Variants in MTX2 observed in about 807,000 individuals in gnomAD.
The protein encoded by MTX2 is metaxin-2.
A neutral mutation model predicts 42.3 loss-of-function variants in MTX2; 35 were observed. That is an observed-to-expected ratio of 0.83 (90% CI 0.63 to 1.10). The LOEUF (loss-of-function observed/expected upper bound fraction) is 1.10, where lower values mean the gene tolerates loss of function less well. Ranked by LOEUF, MTX2 falls within the 50% of genes least tolerant of loss-of-function variation. The pLI is 0.00. For missense variants in MTX2, 307 were observed against 304.1 expected, an observed-to-expected ratio of 1.01 and a Z score of -0.07; for synonymous variants, 119 against 100.9, an observed-to-expected ratio of 1.18 and a Z score of -1.08.
chr2:176,284,635 A>G (rs964940145), intron 1 of MTX2, among the ~76,000 whole-genome samples: 1 of 152,228 alleles, frequency 6.6e-6, no homozygotes, highest in Non-Finnish European at 1.5e-5. Flanking sequence ...ATTCTTGAAC[A>G]TTATAAAATA....
intron 3 of MTX2, among the ~76,000 whole-genome samples, chr2:176,300,280 A>G (rs1385622600): frequency 1.3e-5 from 2 of 152,158 alleles, no homozygotes; most frequent in African/African-American, 4.8e-5. Flanking sequence ...CAGCCATCTA[A>G]TAAATACACA....
chr2:176,314,928 C>T (rs1314207948), intron 3 of MTX2, among the ~76,000 whole-genome samples: 3 of 152,110 alleles, frequency 2.0e-5, no homozygotes, highest in Non-Finnish European at 4.4e-5. Context: ...TTTTATTCTG[C>T]CTGACATCTG....
intron 1 of MTX2, among the ~76,000 whole-genome samples, chr2:176,273,078 TG>T: frequency 1.3e-5 from 2 of 152,144 alleles, no homozygotes; most frequent in Middle Eastern, 6.8e-3. Flanking sequence ...TGGCAGAAGG[TG>T]GAAAGGCCAG....
intron 7 of MTX2, 27 bp from the exon 8 acceptor site, chr2:176,329,274 C>T: frequency 6.4e-7 from 1 of 1,563,684 alleles, no homozygotes; most frequent in Non-Finnish European, 8.6e-7. Flanking sequence ...GAAGGATCAC[C>T]TTTTTTACAA....
At chr2:176,308,539 T>C (rs1684212358) in intron 3 of MTX2, among the ~76,000 whole-genome samples, 1 of 152,198 alleles carries the variant, frequency 6.6e-6, no homozygotes, top group Admixed American at 6.5e-5. Context: ...TTTTGGTTGG[T>C]ACGCTATTAA....
chr2:176,337,604 T>C lies in MTX2; in HGVS notation c.732T>C (p.Ala244=). 6.2e-7 allele frequency: 1 copy of C among 1,613,490 alleles called. No individual in the cohort carries two copies. ...TGAAAAACTATAGCAACCTCCTTGC[T>C]TTCTGTAGGAGAATTGAACAGCACT... ...EKVKNYSNLL[A]FCRRIEQHYF... is the part of the protein sequence containing the mutation. The change falls in exon 10 of 10, where the codon GCT becomes GCC. Residue 244 remains alanine, a synonymous_variant. Coordinates refer to ENST00000249442, the MANE Select transcript of MTX2 (RefSeq NM_006554.5).
chr2:176,296,877 G>A lies in MTX2; in HGVS notation c.58G>A (p.Glu20Lys). The change falls in exon 2 of 10, where the codon GAA (glutamate) becomes AAA (lysine). Residue 20 changes from glutamate to lysine, a missense_variant. Glu to Lys is a moderately conservative substitution (Grantham distance 56, BLOSUM62 1). Transcript: ENST00000249442. ...TTCCATAGCTGCAGAACCTTGGCCT[G>A]AAAATGCTACATTATATCAGCAATT... ...SQIAAAEPWP[E>K]NATLYQQLKG... is the part of the protein sequence containing the mutation. 5 of 1,613,502 alleles carry A rather than the reference G, an allele frequency of 3.1e-6. No homozygotes were observed. Among genetic ancestry groups the A allele is most frequent in the Non-Finnish European group, 4.2e-6 (5 of 1,179,680 alleles).
intron 1 of MTX2, among the ~76,000 whole-genome samples, chr2:176,273,796 A>G (rs1575028840): frequency 2.0e-5 from 3 of 151,784 alleles, no homozygotes; most frequent in African/African-American, 7.3e-5. Flanking sequence ...TGCTTAGATA[A>G]CCATAGTAGT....
intron 3 of MTX2, among the ~76,000 whole-genome samples, chr2:176,304,569 G>T (rs1575046953): frequency 6.6e-6 from 1 of 151,846 alleles, no homozygotes; most frequent in East Asian, 1.9e-4. Context: ...ATATAAAAAT[G>T]AATTATTTTA....
chr2:176,316,807 C>G (rs1684453223), intron 3 of MTX2, among the ~76,000 whole-genome samples: 1 of 151,974 alleles, frequency 6.6e-6, no homozygotes, highest in Non-Finnish European at 1.5e-5. Context: ...GATTATTTTG[C>G]TGTTATAAAT....
At chr2:176,333,136 G>C (rs549211991) in intron 9 of MTX2, among the ~76,000 whole-genome samples, 2 of 151,432 alleles carry the variant, frequency 1.3e-5, no homozygotes, top group Admixed American at 1.3e-4. Flanking sequence ...TGTCACCCTG[G>C]AATATTTTTC....
Position 176,337,701 on chromosome 2 carries a change from A to G in MTX2, c.*37A>G, listed in dbSNP as rs780140871. On this transcript the variant is annotated 3_prime_UTR_variant, in exon 10 of 10. Transcript: ENST00000249442. ...AGTCTCAGGAGTCTTAACTTTTGAAATATGTTTTACTTGAATGTTACATTA... is the reference window on the plus strand; with the variant it reads ...AGTCTCAGGAGTCTTAACTTTTGAAGTATGTTTTACTTGAATGTTACATTA... The G allele has an allele frequency of 6.7e-7, 1 of 1,482,974 alleles. No homozygotes were observed. Among genetic ancestry groups the G allele is most frequent in the South Asian group, 1.4e-5 (1 of 69,626 alleles). The allele number at this position is 1,482,974 out of a possible 1,614,324, so 91.9% of individuals were successfully genotyped here. A position where few individuals can be genotyped will look rare whatever the true frequency, so the allele number is the denominator to read the frequency against.
chr2:176,287,872 C>T (rs944480488), intron 1 of MTX2, among the ~76,000 whole-genome samples: 1 of 149,832 alleles, frequency 6.7e-6, no homozygotes, highest in Non-Finnish European at 1.5e-5. Context: ...AGTAGCCTTA[C>T]CACTGTGCTA....
Position 176,269,562 on chromosome 2 carries a change from G to A in MTX2, c.-68G>A, listed in dbSNP as rs996301165. Reference sequence around the variant, plus strand: ...GGCTCGTTAACTGCCGAGAGCCTCCGGGTTTGCGGTGGAGGACGCTGAGGC... The same window carrying A: ...GGCTCGTTAACTGCCGAGAGCCTCCAGGTTTGCGGTGGAGGACGCTGAGGC... On this transcript the variant is annotated 5_prime_UTR_variant, in exon 1 of 10. Coordinates refer to ENST00000249442, the MANE Select transcript of MTX2 (RefSeq NM_006554.5). 1.3e-6 allele frequency: 2 copies of A among 1,508,006 alleles called. No individual in the cohort carries two copies. Among genetic ancestry groups the A allele is most frequent in the African/African-American group, 1.4e-5 (1 of 71,952 alleles). The allele number at this position is 1,508,006 out of a possible 1,614,324, so 93.4% of individuals were successfully genotyped here.
Position 176,279,068 on chromosome 2 carries a change from A to G in MTX2, c.40+9399A>G, listed in dbSNP as rs1312850132. ...CTCGTTAACTGTAACTGTGTTGGCA[A>G]AATAGAAACCATAAAATGCATTTCA... On this transcript the variant is annotated intron_variant, in intron 1 of 9. Transcript: ENST00000249442. Among the ~76,000 whole-genome samples the G allele has an allele frequency of 2.0e-5, 3 of 152,336 alleles. No homozygotes were observed. In the East Asian group the frequency reaches 5.8e-4, roughly 29 times the overall value.
chr2:176,334,753 G>A (rs535875169), intron 9 of MTX2, among the ~76,000 whole-genome samples: 77 of 151,812 alleles, frequency 5.1e-4, no homozygotes, highest in African/African-American at 1.6e-3. Flanking sequence ...GTATTTATTC[G>A]GCAAGTGCTA....
chr2:176,318,294 C>G (rs1684494864), intron 3 of MTX2, among the ~76,000 whole-genome samples: 1 of 151,854 alleles, frequency 6.6e-6, no homozygotes, highest in African/African-American at 2.4e-5. Context: ...CCCCTGATAC[C>G]TTACCCCTTC....
At chr2:176,335,272 T>TA (rs768973687) in intron 9 of MTX2, among the ~76,000 whole-genome samples, 10 of 152,152 alleles carry the variant, frequency 6.6e-5, no homozygotes, top group Admixed American at 3.3e-4. Flanking sequence ...TTGAGTTTGT[T>TA]ACGTTCAAAT....
At chr2:176,325,943 A>T (rs1468861329) in intron 4 of MTX2, among the ~76,000 whole-genome samples, 1 of 151,430 alleles carries the variant, frequency 6.6e-6, no homozygotes, top group Non-Finnish European at 1.5e-5. Context: ...TCTGTACTTC[A>T]TCCATTACCC....
Sources: allele counts gnomAD v4.1 joint callset (sites outside exome capture counted in the v4.1 genomes callset), GRCh38; gene constraint gnomAD v4.1.1; transcripts MANE v1.5; gene names NCBI Gene and HGNC (gene_info 2026-07-23, HGNC 2026-07-21).